TENM4: variants seen among roughly 807,000 people sequenced by gnomAD.
TENM4 encodes teneurin-4.
Under a neutral mutation model 243.3 loss-of-function variants are expected in TENM4, and 82 were observed. That is an observed-to-expected ratio of 0.34 (90% CI 0.28 to 0.40). The LOEUF (loss-of-function observed/expected upper bound fraction) is 0.40. Among genes scored for constraint, TENM4 ranks in the 10% least tolerant of loss-of-function variants. The pLI is 1.00. For synonymous variants in TENM4, 1,412 were observed against 1,456.3 expected (o/e 0.97, Z 0.69); for missense variants, 3,138 against 3,673.3 (o/e 0.85, Z 3.77).
chr11:79,320,863 C>T (rs766027650), intron 1 of TENM4, among the ~76,000 whole-genome samples: 17 of 152,164 alleles, frequency 1.1e-4, no homozygotes, highest in Non-Finnish European at 1.9e-4. Flanking sequence ...GAAATTGAGG[C>T]TCAGAGAGGC....
At chr11:79,145,526 C>A (rs1483760796) in intron 4 of TENM4, among the ~76,000 whole-genome samples, 1 of 152,046 alleles carries the variant, frequency 6.6e-6, no homozygotes, top group Non-Finnish European at 1.5e-5. Flanking sequence ...CACCTTCATG[C>A]TTCTGAGGTT....
intron 6 of TENM4, among the ~76,000 whole-genome samples, chr11:78,914,977 T>C (rs1197844959): frequency 6.6e-6 from 1 of 152,214 alleles, no homozygotes; most frequent in Non-Finnish European, 1.5e-5. Flanking sequence ...CTGGGTTATG[T>C]TGCTTCCCTG....
chr11:78,854,270 C>T lies in TENM4; in HGVS notation c.1515G>A (p.Gln505=), dbSNP rs1432020990. Residue 505 remains glutamine, a synonymous_variant, in exon 12 of 34, where the codon CAG becomes CAA. Transcript: ENST00000278550. ...ELLDGRRLLT[Q]EARSLEGTPR... ...GGGTCCCCTCTAGGCTCCGCGCCTC[C>T]TGGGTTAGGAGCCTCCTGCCATCCA... The T allele has an allele frequency of 6.5e-7, 1 of 1,537,842 alleles. No homozygotes were observed. Among genetic ancestry groups the T allele is most frequent in the Admixed American group, 2.0e-5 (1 of 48,946 alleles).
intron 1 of TENM4, among the ~76,000 whole-genome samples, chr11:79,340,140 A>C (rs1243115526): frequency 6.6e-6 from 1 of 152,250 alleles, no homozygotes; most frequent in Non-Finnish European, 1.5e-5. Flanking sequence ...ACCAACTTTC[A>C]TGTCCTATTA....
chr11:78,961,980 A>G (rs1176875834), intron 6 of TENM4, among the ~76,000 whole-genome samples: 1 of 152,068 alleles, frequency 6.6e-6, no homozygotes, highest in Admixed American at 6.5e-5. Context: ...GCGGGGCAAG[A>G]GCGGGGCTGC....
At chr11:79,407,881 A>C (rs1240373245) in intron 1 of TENM4, among the ~76,000 whole-genome samples, 1 of 151,870 alleles carries the variant, frequency 6.6e-6, no homozygotes, top group South Asian at 2.1e-4. Flanking sequence ...GTGGAACCTG[A>C]AGATTTGCAT....
intron 3 of TENM4, among the ~76,000 whole-genome samples, chr11:79,192,465 AC>A (rs1023506905): frequency 6.5e-4 from 99 of 152,078 alleles, no homozygotes; most frequent in Middle Eastern, 3.4e-3. Flanking sequence ...CTGTGACCTT[AC>A]CCCCCAACCC....
chr11:78,850,059 C>CTGTT (rs1164473696), intron 12 of TENM4, among the ~76,000 whole-genome samples: 1 of 115,224 alleles, frequency 8.7e-6, no homozygotes, highest in African/African-American at 3.8e-5. Context: ...GGTTTCAGTG[C>CTGTT]TCTGTGTGTG....
intron 3 of TENM4, among the ~76,000 whole-genome samples, chr11:79,150,858 A>C (rs1022208273): frequency 6.6e-6 from 1 of 152,220 alleles, no homozygotes; most frequent in Admixed American, 6.5e-5. Context: ...TATTAAGGGC[A>C]TACCAATCAC....
intron 4 of TENM4, among the ~76,000 whole-genome samples, chr11:79,104,119 C>A (rs951821395): frequency 2.6e-5 from 4 of 152,108 alleles, no homozygotes; most frequent in African/African-American, 9.7e-5. Context: ...ATTGGTCTCA[C>A]CTCCCCCTGC....
chr11:78,909,196 G>C (rs1284624197), intron 6 of TENM4, among the ~76,000 whole-genome samples: 1 of 152,116 alleles, frequency 6.6e-6, no homozygotes, highest in Non-Finnish European at 1.5e-5. Context: ...TAAAGAAAAT[G>C]GATATACAAA....
At chr11:78,819,056 T>G (rs553220195) in intron 12 of TENM4, among the ~76,000 whole-genome samples, 1 of 152,258 alleles carries the variant, frequency 6.6e-6, no homozygotes, top group East Asian at 1.9e-4. Context: ...GCTCATTCTC[T>G]GGACATGTGT....
intron 1 of TENM4, among the ~76,000 whole-genome samples, chr11:79,365,872 A>G (rs1235964487): frequency 6.6e-6 from 1 of 152,042 alleles, no homozygotes; most frequent in African/African-American, 2.4e-5. Flanking sequence ...GGTAGAAAAA[A>G]CCTGTGGTGG....
intron 2 of TENM4, among the ~76,000 whole-genome samples, chr11:79,255,841 A>G (rs531969388): frequency 3.0e-4 from 45 of 152,314 alleles, no homozygotes; most frequent in African/African-American, 1.1e-3. Flanking sequence ...CTATTGAAGT[A>G]GAGATGTAAA....
intron 4 of TENM4, among the ~76,000 whole-genome samples, chr11:79,090,590 G>A (rs1335400861): frequency 6.6e-6 from 1 of 152,232 alleles, no homozygotes; most frequent in Non-Finnish European, 1.5e-5. Context: ...AGACGCTCAG[G>A]ACTTAGCCAA....
chr11:79,325,482 C>A (rs186517291), intron 1 of TENM4, among the ~76,000 whole-genome samples: 7 of 152,290 alleles, frequency 4.6e-5, no homozygotes, highest in African/African-American at 9.6e-5. Flanking sequence ...ACTGGTATAA[C>A]CTTGGCTTCA....
chr11:78,807,505 A>T (rs1241573198), intron 14 of TENM4, among the ~76,000 whole-genome samples: 1 of 152,358 alleles, frequency 6.6e-6, no homozygotes, highest in African/African-American at 2.4e-5. Context: ...AGTACTGAGA[A>T]TTAACTGAAG....
intron 1 of TENM4, among the ~76,000 whole-genome samples, chr11:79,298,757 G>C (rs61885383): frequency 6.6e-6 from 1 of 152,010 alleles, no homozygotes; most frequent in Non-Finnish European, 1.5e-5. Context: ...AGCAAGGCTC[G>C]GCGAGCCGTC....
intron 3 of TENM4, among the ~76,000 whole-genome samples, chr11:79,176,195 A>G (rs755588892): frequency 2.0e-5 from 3 of 152,214 alleles, no homozygotes; most frequent in Non-Finnish European, 4.4e-5. Context: ...CTGTTTACTC[A>G]ATGTACTGCC....
Sources: allele counts gnomAD v4.1 joint callset (sites outside exome capture counted in the v4.1 genomes callset), GRCh38; gene constraint gnomAD v4.1.1; transcripts MANE v1.5; gene names NCBI Gene and HGNC (gene_info 2026-07-23, HGNC 2026-07-21).